Variants in VWA2 observed in about 807,000 individuals in gnomAD.
VWA2 encodes von Willebrand factor A domain containing 2.
In VWA2, 73 loss-of-function variants were observed where a neutral mutation model predicts 70.4. The ratio of observed to expected loss-of-function variants is 1.04; its 90% CI spans 0.86 to 1.26. The LOEUF (loss-of-function observed/expected upper bound fraction) is 1.26. Ranked by LOEUF, VWA2 falls within the 50% of genes most tolerant of loss-of-function variation. The pLI is 0.00. For synonymous variants in VWA2, 407 were observed against 423.3 expected, an observed-to-expected ratio of 0.96 and a Z score of 0.47; for missense variants, 1,011 against 998.5, an observed-to-expected ratio of 1.01 and a Z score of -0.17.
At chr10:114,279,621 G>A (rs904591562) in intron 8 of VWA2, among the ~76,000 whole-genome samples, 1 of 152,220 alleles carries the variant, frequency 6.6e-6, no homozygotes, top group East Asian at 1.9e-4. Context: ...AGGGTCAGAG[G>A]AGATGAGGTC....
chr10:114,266,085 C>T (rs2037557804), intron 5 of VWA2, among the ~76,000 whole-genome samples: 1 of 152,112 alleles, frequency 6.6e-6, no homozygotes, highest in Non-Finnish European at 1.5e-5. Flanking sequence ...ATCACGAGGT[C>T]GGGATATCGA....
At chr10:114,290,155 C>T in intron 12 of VWA2, 85 bp from the exon 13 acceptor site, 3 of 1,509,894 alleles carry the variant, frequency 2.0e-6, no homozygotes, top group Non-Finnish European at 2.7e-6. Context: ...TAGCCTTGCA[C>T]CTCTACTGGG....
At chr10:114,247,663 C>CA (rs527665370) in intron 1 of VWA2, among the ~76,000 whole-genome samples, 9,961 of 141,028 alleles carry the variant, frequency 0.071, 349 homozygotes, top group Non-Finnish European at 0.088. Flanking sequence ...ATAACTATGT[C>CA]AAAAAAAAAA....
At chr10:114,253,978 G>C (rs531012497) in intron 3 of VWA2, among the ~76,000 whole-genome samples, 3 of 151,820 alleles carry the variant, frequency 2.0e-5, no homozygotes, top group Non-Finnish European at 4.4e-5. Flanking sequence ...GGAGGTGGAG[G>C]TTGCAGTGAG....
chr10:114,289,203 C>T lies in VWA2; in HGVS notation c.1836C>T (p.Thr612=), dbSNP rs142806839. ...PYLGGVGSAG[T]ALLHIYDKVM... is the part of the protein sequence containing the mutation. ...TAGGTGGGGTGGGCTCAGCCGGCAC[C>T]GCCCTGCTGCACATCTATGACAAAG... The change falls in exon 12 of 14, where the codon ACC becomes ACT. Residue 612 remains threonine, a synonymous_variant. Transcript: ENST00000392982. 4.3e-5 allele frequency: 69 copies of T among 1,613,384 alleles called. No individual in the cohort carries two copies. Among genetic ancestry groups the T allele is most frequent in the African/African-American group, 3.3e-4 (25 of 74,920 alleles).
At position 114,270,099 on chromosome 10, in the gene VWA2, G is replaced by A. The variant is rs556492575; in HGVS notation, c.372-2641G>A. Among the ~76,000 whole-genome samples, 3 of 152,320 alleles carry A rather than the reference G, an allele frequency of 2.0e-5. No individual in the cohort carries two copies. In the South Asian group the frequency reaches 6.2e-4, roughly 32 times the overall value. ...TTTTCCAATAAAACTTTACAAAAAT[G>A]GGCAGCAGGCCAGATTAAGCTGAGC... On this transcript the variant is annotated intron_variant, in intron 5 of 13. Transcript: ENST00000392982.
chr10:114,281,404 A>T (rs1589776870), intron 8 of VWA2: 1 of 152,220 alleles, frequency 6.6e-6, no homozygotes, highest in Admixed American at 6.5e-5. Context: ...CAGGGTTTGG[A>T]TCCCAGCTCT....
In VWA2 at chr10:114,239,768, G is replaced by T. The variant is rs541280489; in HGVS notation, c.-11+199G>T. Among the ~76,000 whole-genome samples the T allele has an allele frequency of 2.5e-4, 38 of 152,316 alleles. 1 individual carries two copies. In the South Asian group the frequency reaches 7.7e-3, roughly 31 times the overall value. On this transcript the variant is annotated intron_variant, in intron 1 of 13. Transcript: ENST00000392982. ...CACCTGAGCGCGGCCTTCCTGGCAC[G>T]GCGGCGTCGGGGGAAGAGCGCACCT...
rs190743627 is a variant in VWA2 at position 114,261,002 on chromosome 10, T to C, written c.262-184T>C. Among the ~76,000 whole-genome samples, 19 of 152,292 alleles carry C rather than the reference T, an allele frequency of 1.2e-4. No homozygotes were observed. The East Asian group carries it at 3.5e-3, about 28-fold the overall frequency. On this transcript the variant is annotated intron_variant, in intron 4 of 13. Transcript: ENST00000392982. ...CAGAACACAAACAGATTTGGCTGTT[T>C]TTTTCCAGGTTCTCCAAATTGGTCT...
chr10:114,288,015 A>G (rs1333704690), intron 11 of VWA2, among the ~76,000 whole-genome samples: 2 of 152,192 alleles, frequency 1.3e-5, no homozygotes, highest in African/African-American at 4.8e-5. Flanking sequence ...ACCAGTAATC[A>G]GAGCATCAGC....
chr10:114,263,815 A>G (rs748533696), intron 5 of VWA2, among the ~76,000 whole-genome samples: 2 of 152,222 alleles, frequency 1.3e-5, no homozygotes, highest in Non-Finnish European at 2.9e-5. Flanking sequence ...ACCCTATTCT[A>G]ATTTTTGAAC....
At position 114,272,781 on chromosome 10, in the gene VWA2, TG is replaced by T; in HGVS notation, c.414del (p.His139ThrfsTer35). 1 of 1,613,618 alleles carries T rather than the reference TG, an allele frequency of 6.2e-7. No homozygotes were observed. Among genetic ancestry groups the T allele is most frequent in the South Asian group, 1.1e-5 (1 of 90,892 alleles). ...ACGGAACTTGCTCTGAAATACCTTCTGCACAGAGGGTTGCCTGGAGGCAGAA... is the reference window on the plus strand; with the variant it reads ...ACGGAACTTGCTCTGAAATACCTTCTCACAGAGGGTTGCCTGGAGGCAGAA... ...TETELALKYLLHRGLPGGRNA... is the reference protein window; with the variant it reads ...TETELALKYLXHRGLPGGRNA... On this transcript the variant is annotated frameshift_variant, in exon 6 of 14. Coordinates refer to ENST00000392982, the MANE Select transcript of VWA2 (RefSeq NM_001272046.2). LOFTEE classifies it high-confidence loss of function.
intron 6 of VWA2, among the ~76,000 whole-genome samples, chr10:114,274,349 TA>T (rs769722653): frequency 5.1e-4 from 78 of 152,184 alleles, no homozygotes; most frequent in Admixed American, 1.8e-3. Context: ...ACTGACAGGA[TA>T]GGGGTGGGAG....
intron 5 of VWA2, among the ~76,000 whole-genome samples, chr10:114,270,153 A>G (rs577971850): frequency 4.5e-4 from 69 of 152,262 alleles, no homozygotes; most frequent in Admixed American, 8.5e-4. Context: ...TTGGCTTCAA[A>G]TTCAGCCAGA....
Position 114,286,140 on chromosome 10 carries a change from A to T in VWA2, c.1199A>T (p.Tyr400Phe), listed in dbSNP as rs1423186735. 2 of 1,614,078 alleles carry T rather than the reference A, an allele frequency of 1.2e-6. No individual in the cohort carries two copies. The highest frequency in any genetic ancestry group is 4.5e-5 in the East Asian group (2 of 44,888). Residue 400 changes from tyrosine to phenylalanine, a missense_variant, in exon 11 of 14, where the codon TAC (tyrosine) becomes TTC (phenylalanine). Coordinates refer to ENST00000392982, the MANE Select transcript of VWA2 (RefSeq NM_001272046.2). ...CTGGTGGCGGTGCCTGTGGGGGAGT[A>T]CCAGGATGTGCCTGACCTGGTCTGG... is the stretch of plus-strand genomic sequence containing the variant. Reference protein sequence around the residue: ...ELLVAVPVGEYQDVPDLVWSL... With the variant: ...ELLVAVPVGEFQDVPDLVWSL...
chr10:114,273,266 C>G (rs947410074), intron 6 of VWA2, among the ~76,000 whole-genome samples: 24 of 152,284 alleles, frequency 1.6e-4, no homozygotes, highest in Non-Finnish European at 4.4e-5. Context: ...CCAGGGACTT[C>G]AGTGTCATCG....
rs143776898 is a variant in VWA2, at chr10:114,289,119, G to T, written c.1752G>T (p.Gly584=). ...VYGSQVQTAF[G]LDTKPTRAAM... is the part of the protein sequence containing the mutation. ...GCAGCCAGGTGCAGACTGCCTTCGGGCTGGACACCAAACCCACCCGGGCTG... is the reference window on the plus strand; with the variant it reads ...GCAGCCAGGTGCAGACTGCCTTCGGTCTGGACACCAAACCCACCCGGGCTG... Residue 584 remains glycine, a synonymous_variant, in exon 12 of 14, where the codon GGG becomes GGT. Coordinates refer to ENST00000392982, the MANE Select transcript of VWA2 (RefSeq NM_001272046.2). 22 of 1,613,958 alleles carry T rather than the reference G, an allele frequency of 1.4e-5. No homozygotes were observed. The highest frequency in any genetic ancestry group is 1.6e-5 in the Non-Finnish European group (19 of 1,180,032).
chr10:114,240,104 C>T (rs1368643574), intron 1 of VWA2, among the ~76,000 whole-genome samples: 5 of 152,152 alleles, frequency 3.3e-5, no homozygotes, highest in South Asian at 2.1e-4. Context: ...GTGCCCCCAG[C>T]GAAGTGTCTG....
At chr10:114,276,912 C>T (rs1032403768) in intron 6 of VWA2, among the ~76,000 whole-genome samples, 3 of 152,102 alleles carry the variant, frequency 2.0e-5, no homozygotes, top group Admixed American at 2.0e-4. Context: ...CATTGCAGGG[C>T]TGGGGGGCTC....
Sources: gnomAD v4.1 joint callset for allele counts (sites outside exome capture counted in the v4.1 genomes callset) on GRCh38, gnomAD v4.1.1 for gene constraint, MANE v1.5 for transcripts, NCBI Gene and HGNC (gene_info 2026-07-23, HGNC 2026-07-21) for gene names.